Variants in LAMA5 observed in about 807,000 individuals in gnomAD.
LAMA5 encodes the protein laminin subunit alpha 5, also known as laminin subunit alpha-5.
LAMA5 carries 260 observed loss-of-function variants against 433.4 expected under a neutral mutation model. The ratio of observed to expected loss-of-function variants is 0.60; its 90% CI spans 0.54 to 0.66. LAMA5 has a LOEUF of 0.66. Among genes scored for constraint, LAMA5 ranks in the 30% least tolerant of loss-of-function variants. The pLI is 0.00. For missense variants in LAMA5, 5,378 were observed against 5,258.5 expected, an observed-to-expected ratio of 1.02 and a Z score of -0.70; for synonymous variants, 2,620 against 2,226.6, an observed-to-expected ratio of 1.18 and a Z score of -4.97.
intron 2 of LAMA5, among the ~76,000 whole-genome samples, chr20:62,353,988 C>T (rs898137880): frequency 1.3e-5 from 2 of 152,124 alleles, no homozygotes; most frequent in African/African-American, 4.8e-5. Context: ...TGGCCCGGTG[C>T]ACGTCAGGGC....
intron 2 of LAMA5, among the ~76,000 whole-genome samples, chr20:62,357,658 C>T (rs1264667864): frequency 6.6e-6 from 1 of 152,236 alleles, no homozygotes; most frequent in Admixed American, 6.5e-5. Context: ...AGCAAGCCCA[C>T]CGCTGGGAAG....
At chr20:62,352,837 C>T (rs767531006) in intron 3 of LAMA5, among the ~76,000 whole-genome samples, 4 of 152,170 alleles carry the variant, frequency 2.6e-5, no homozygotes, top group Admixed American at 6.5e-5. Context: ...TGGGAGCTGC[C>T]AGGCCCCTTT....
intron 32 of LAMA5, 56 bp from the exon 33 acceptor site, chr20:62,329,309 C>G (rs1178670001): frequency 7.5e-7 from 1 of 1,335,060 alleles, no homozygotes; most frequent in Non-Finnish European, 1.1e-6. Flanking sequence ...AGCGGGGAGG[C>G]CCCCAGAGGC....
intron 6 of LAMA5, among the ~76,000 whole-genome samples, chr20:62,349,669 T>C (rs865910917): frequency 3.0e-4 from 1 of 3,358 alleles, no homozygotes; most frequent in African/African-American, 6.5e-4. Flanking sequence ...ATGGGGATGG[T>C]GGGGGTGATG....
At chr20:62,361,123 A>G (rs1026054245) in intron 2 of LAMA5, among the ~76,000 whole-genome samples, 1 of 152,156 alleles carries the variant, frequency 6.6e-6, no homozygotes, top group Non-Finnish European at 1.5e-5. Context: ...CACGTACGCT[A>G]CAGCCAAGGT....
rs1247764865 is a variant in LAMA5 at position 62,334,244 on chromosome 20, T to A, written c.2681A>T (p.Asn894Ile). The A allele has an allele frequency of 3.7e-6, 6 of 1,612,738 alleles. No individual in the cohort carries two copies. Among genetic ancestry groups the A allele is most frequent in the Middle Eastern group, 3.3e-4 (2 of 6,058 alleles). ...GCTGAAGTTCTCGAACTCGAGGGGG[T>A]TGAAGCCAAAGCGCACGGCGTGACC... Reference protein sequence around the residue: ...PEGHAVRFGFNPLEFENFSWR... With the variant: ...PEGHAVRFGFIPLEFENFSWR... The change falls in exon 22 of 80, where the codon AAC becomes ATC. Residue 894 changes from asparagine (N) to isoleucine (I), a missense_variant. Physicochemically the swap from Asn to Ile is moderately radical, Grantham distance 149. Coordinates refer to ENST00000252999, the MANE Select transcript of LAMA5 (RefSeq NM_005560.6).
chr20:62,342,539 C>T (rs536203155), intron 11 of LAMA5, among the ~76,000 whole-genome samples: 63 of 151,910 alleles, frequency 4.1e-4, no homozygotes, highest in South Asian at 1.2e-3. Context: ...ATTAGCCGGG[C>T]GTGGTGGCGG....
intron 25 of LAMA5, 59 bp from the exon 26 acceptor site, chr20:62,333,302 G>GAGTGGGGGAAGCCAGGCAC (rs1980848231): frequency 1.4e-5 from 23 of 1,597,722 alleles, no homozygotes; most frequent in East Asian, 2.2e-5. Context: ...GAGACAGCCT[G>GAGTGGGGGAAGCCAGGCAC]AGTGGGGGAA....
chr20:62,365,048 G>T (rs1986569625), intron 1 of LAMA5, among the ~76,000 whole-genome samples: 1 of 152,284 alleles, frequency 6.6e-6, no homozygotes, highest in South Asian at 2.1e-4. Flanking sequence ...GATGAAGGAG[G>T]CATCCAAGGT....
At chr20:62,340,488 T>A (rs952899122) in intron 11 of LAMA5, among the ~76,000 whole-genome samples, 6 of 151,668 alleles carry the variant, frequency 4.0e-5, no homozygotes, top group Non-Finnish European at 7.4e-5. Flanking sequence ...ATTTTGTATT[T>A]TTAGTAGAGA....
At chr20:62,329,093 C>G in intron 33 of LAMA5, 38 bp from the exon 34 acceptor site, 1 of 1,612,094 alleles carries the variant, frequency 6.2e-7, no homozygotes, top group East Asian at 2.2e-5. Flanking sequence ...AGCTCCCGGC[C>G]CAGACCCCCA....
chr20:62,320,353 G>A (rs1043253302), intron 50 of LAMA5, among the ~76,000 whole-genome samples: 2 of 148,558 alleles, frequency 1.3e-5, no homozygotes, highest in East Asian at 2.0e-4. Flanking sequence ...AGACATTTGA[G>A]TGATATTATA....
At chr20:62,325,010 C>T (rs113960255) in intron 41 of LAMA5, 43 of 337,396 alleles carry the variant, frequency 1.3e-4, no homozygotes, top group Admixed American at 2.9e-4. Flanking sequence ...CCAGGATGGT[C>T]GGTGGGGGAT....
chr20:62,324,128 C>T lies in LAMA5; in HGVS notation c.5720G>A (p.Ser1907Asn), dbSNP rs769429282. 1.3e-6 allele frequency: 2 copies of T among 1,539,278 alleles called. No homozygotes were observed. Among genetic ancestry groups the T allele is most frequent in the East Asian group, 2.3e-5 (1 of 43,264 alleles). ...GCAGGGGCAGCTGACACAGGGGGCG[C>T]TGGGGTCGTCCCTGCTGCTCACGAA... ...AGFVSSRDDP[S>N]APCVSCPCPL... The change falls in exon 43 of 80, where the codon AGC becomes AAC. Residue 1907 changes from serine to asparagine, a missense_variant. Transcript: ENST00000252999. This position sits in a 1 kb window ranked among gnomAD's most constrained non-coding sequence, Gnocchi z 4.4.
At position 62,311,782 on chromosome 20, in the gene LAMA5, A is replaced by G; in HGVS notation, c.9638T>C (p.Val3213Ala). ...GAGCTGGTCATCGACATACAGCCAGACTCTGGGGGGCGGGAGGCCGGAGGC... is the reference window on the plus strand; with the variant it reads ...GAGCTGGTCATCGACATACAGCCAGGCTCTGGGGGGCGGGAGGCCGGAGGC... The part of the protein sequence containing the change: ...YVAFYSNATG[V>A]WLYVDDQLQQ... Residue 3213 changes from valine (V) to alanine (A), a missense_variant and splice_region_variant, in exon 71 of 80, where the codon GTC (valine) becomes GCC (alanine). Coordinates refer to ENST00000252999, the MANE Select transcript of LAMA5 (RefSeq NM_005560.6). The G allele has an allele frequency of 6.4e-7, 1 of 1,558,332 alleles. No homozygotes were observed. The highest frequency in any genetic ancestry group is 2.3e-5 in the East Asian group (1 of 42,962).
chr20:62,332,409 C>T lies in LAMA5; in HGVS notation c.3515G>A (p.Ser1172Asn), dbSNP rs1266697646. 6.2e-7 allele frequency: 1 copy of T among 1,612,844 alleles called. No individual in the cohort carries two copies. Among genetic ancestry groups the T allele is most frequent in the East Asian group, 2.2e-5 (1 of 44,878 alleles). Residue 1172 changes from serine (S) to asparagine (N), a missense_variant, in exon 28 of 80, where the codon AGC (serine) becomes AAC (asparagine). By Grantham distance (46) the Ser-to-Asn change is conservative. Coordinates refer to ENST00000252999, the MANE Select transcript of LAMA5 (RefSeq NM_005560.6). ...LAVFHLDSEA[S>N]VRLTAEQARF... ...TGCCTGTTCGGCTGTGAGCCTCACG[C>T]TGGCCTCCGAGTCCAGGTGGAAGAC...
chr20:62,309,625 A>AGGGGTGG, intron 79 of LAMA5, 91 bp downstream of exon 79: 1 of 371,342 alleles, frequency 2.7e-6, no homozygotes, highest in Non-Finnish European at 4.2e-6. Context: ...GGGAGGGGGC[A>AGGGGTGG]GGGGGTGGAG....
At chr20:62,331,420 C>T (rs1198114118) in intron 28 of LAMA5, among the ~76,000 whole-genome samples, 2 of 152,116 alleles carry the variant, frequency 1.3e-5, no homozygotes, top group African/African-American at 4.8e-5. Flanking sequence ...CCTTGCTCCT[C>T]CTCCAGCTGC....
Position 62,337,695 on chromosome 20 carries a change from C to A in LAMA5, c.2059G>T (p.Ala687Ser). Reference sequence around the variant, plus strand: ...TGCCCACTCCGGGGGTCACAGGCTGCGTGCAGGGAGCCTTCAGCAGAGCAG... The same window carrying A: ...TGCCCACTCCGGGGGTCACAGGCTGAGTGCAGGGAGCCTTCAGCAGAGCAG... ...CHCSAEGSLH[A>S]ACDPRSGQCS... The change falls in exon 16 of 80, where the codon GCA becomes TCA. Residue 687 changes from alanine (A) to serine (S), a missense_variant. Ala to Ser is a moderately conservative substitution (Grantham distance 99, BLOSUM62 1). Coordinates refer to ENST00000252999, the MANE Select transcript of LAMA5 (RefSeq NM_005560.6). 6.2e-7 allele frequency: 1 copy of A among 1,611,286 alleles called. No individual in the cohort carries two copies. Among genetic ancestry groups the A allele is most frequent in the Non-Finnish European group, 8.5e-7 (1 of 1,179,104 alleles).
Sources: gnomAD v4.1 joint callset for allele counts (sites outside exome capture counted in the v4.1 genomes callset) on GRCh38, gnomAD v4.1.1 for gene constraint, Gnocchi (gnomAD v3.1) non-coding constraint, MANE v1.5 for transcripts, NCBI Gene and HGNC (gene_info 2026-07-23, HGNC 2026-07-21) for gene names.